Variants in TRIP12 observed in about 807,000 individuals in gnomAD.
TRIP12 encodes the protein E3 ubiquitin-protein ligase TRIP12.
TRIP12 carries 25 observed loss-of-function variants against 244.2 expected under a neutral mutation model. That is an observed-to-expected ratio of 0.10 (90% CI 0.07 to 0.14). The LOEUF is 0.14. Ranked by LOEUF, TRIP12 falls within the 10% of genes least tolerant of loss-of-function variation. The pLI, the probability that TRIP12 is intolerant of heterozygous loss-of-function variation, is 1.00. For missense variants in TRIP12, 1,677 were observed against 2,486.4 expected (o/e 0.67, Z 6.92); for synonymous variants, 905 against 873.1 (o/e 1.04, Z -0.64).
At chr2:229,922,038 G>C (rs1327431976), upstream of TRIP12, 1 of 152,856 alleles carries the variant, frequency 6.5e-6, no homozygotes, top group Non-Finnish European at 1.5e-5. Context: ...CTCCGCCCGT[G>C]CCGCCTCCCT....
intron 3 of TRIP12, 35 bp downstream of exon 3, chr2:229,860,371 T>C (rs766500923): frequency 6.3e-7 from 1 of 1,579,498 alleles, no homozygotes; most frequent in South Asian, 1.2e-5. Context: ...CAAATAATTC[T>C]GCCTTGAAAA....
intron 36 of TRIP12, among the ~76,000 whole-genome samples, chr2:229,777,692 G>A (rs923903082): frequency 4.6e-5 from 7 of 152,082 alleles, no homozygotes; most frequent in Non-Finnish European, 8.8e-5. Flanking sequence ...CTGTATTACT[G>A]AATATCCCAA....
At chr2:229,907,676 T>C (rs896392507) in intron 1 of TRIP12, among the ~76,000 whole-genome samples, 6 of 152,126 alleles carry the variant, frequency 3.9e-5, no homozygotes, top group African/African-American at 1.2e-4. Context: ...TGGTGGCACA[T>C]GTCTGCAGTC....
chr2:229,822,318 G>A (rs1470327447), intron 8 of TRIP12, among the ~76,000 whole-genome samples: 1 of 152,174 alleles, frequency 6.6e-6, no homozygotes, highest in Admixed American at 6.5e-5. Context: ...GCCACATTTT[G>A]AGACTGCTCA....
chr2:229,912,512 A>G (rs1192676352), intron 1 of TRIP12, among the ~76,000 whole-genome samples: 1 of 152,136 alleles, frequency 6.6e-6, no homozygotes, highest in Non-Finnish European at 1.5e-5. Flanking sequence ...ATTTACCTTA[A>G]TATTAGATCC....
Position 229,880,191 on chromosome 2 carries a change from G to C in TRIP12, c.-49-63C>G. 3 of 1,031,556 alleles carry C rather than the reference G, an allele frequency of 2.9e-6. No individual in the cohort carries two copies. The Admixed American group carries it at 7.9e-5, about 27-fold the overall frequency. The allele number at this position is 1,031,556 out of a possible 1,614,324, so 63.9% of individuals were successfully genotyped here. A position where few individuals can be genotyped will look rare whatever the true frequency, so the allele number is the denominator to read the frequency against. On this transcript the variant is annotated intron_variant, in intron 1 of 41. Coordinates refer to ENST00000675903, the MANE Select transcript of TRIP12 (RefSeq NM_001348323.3). ...ACAAAATACAATATGGAAAAGAAAT[G>C]AGGGGAACTTACGGTGACATGGAAA...
rs781146336 is a variant in TRIP12, at chr2:229,829,301, G to C, written c.1355-13C>G. Reference sequence around the variant, plus strand: ...GCCTCTAACAAAGCTAAAGAAAAAAGAAGGGCAGAGTGAACAACTAAGATG... The same window carrying C: ...GCCTCTAACAAAGCTAAAGAAAAAACAAGGGCAGAGTGAACAACTAAGATG... On this transcript the variant is annotated splice_polypyrimidine_tract_variant and intron_variant, in intron 7 of 41. Coordinates refer to ENST00000675903, the MANE Select transcript of TRIP12 (RefSeq NM_001348323.3). 4 of 1,605,844 alleles carry C rather than the reference G, an allele frequency of 2.5e-6. No individual in the cohort carries two copies. The highest frequency in any genetic ancestry group is 3.4e-6 in the Non-Finnish European group (4 of 1,175,850).
At chr2:229,920,215 T>G (rs1345195096) in intron 1 of TRIP12, among the ~76,000 whole-genome samples, 1 of 152,274 alleles carries the variant, frequency 6.6e-6, no homozygotes. Flanking sequence ...GTTTTGTTTT[T>G]AAAGAGGAGA....
intron 21 of TRIP12, among the ~76,000 whole-genome samples, chr2:229,800,624 A>C (rs1416825144): frequency 1.3e-5 from 2 of 152,254 alleles, no homozygotes; most frequent in Admixed American, 1.3e-4. Flanking sequence ...TTCATTTGCA[A>C]CCATGCTGTA....
chr2:229,827,045 C>G (rs2051845702), intron 8 of TRIP12, among the ~76,000 whole-genome samples: 1 of 152,128 alleles, frequency 6.6e-6, no homozygotes, highest in African/African-American at 2.4e-5. Context: ...CTTTGGGAGG[C>G]TGAGGCAGGC....
At chr2:229,772,173 T>C (rs531541355) in intron 38 of TRIP12, among the ~76,000 whole-genome samples, 1 of 152,350 alleles carries the variant, frequency 6.6e-6, no homozygotes, top group East Asian at 1.9e-4. Context: ...GCAACTCTTA[T>C]TGGTCCAACA....
upstream of TRIP12, chr2:229,922,706 C>T (rs1315493560): frequency 2.7e-5 from 35 of 1,316,652 alleles, no homozygotes; most frequent in African/African-American, 1.5e-5. Flanking sequence ...GCAACCGTAG[C>T]CCGCCGGAAG....
At chr2:229,786,396 CTTT>C (rs34138414) in intron 33 of TRIP12, among the ~76,000 whole-genome samples, 57 of 127,752 alleles carry the variant, frequency 4.5e-4, no homozygotes, top group African/African-American at 1.5e-3. Flanking sequence ...AATAGGATGA[CTTT>C]TTTTTTTTTT....
At chr2:229,905,073 G>A (rs1157655370) in intron 1 of TRIP12, among the ~76,000 whole-genome samples, 6 of 152,172 alleles carry the variant, frequency 3.9e-5, no homozygotes, top group East Asian at 1.9e-4. Flanking sequence ...TGGGGAGTTC[G>A]AGACCTGCCT....
At position 229,858,523 on chromosome 2, in the gene TRIP12, T is replaced by C. The variant is rs1316730259; in HGVS notation, c.1027+249A>G. On this transcript the variant is annotated intron_variant, in intron 4 of 41. Transcript: ENST00000675903. Reference sequence around the variant, plus strand: ...AAGTAGGAGATGCCGCGAGGACCAATAAAGACACAGACACTAAAATGTGAT... The same window carrying C: ...AAGTAGGAGATGCCGCGAGGACCAACAAAGACACAGACACTAAAATGTGAT... 3.3e-5 allele frequency among the ~76,000 whole-genome samples: 5 copies of C among 152,136 alleles called. No individual in the cohort carries two copies. The East Asian group carries it at 9.6e-4, about 29-fold the overall frequency.
At chr2:229,867,364 C>G (rs991903801) in intron 2 of TRIP12, among the ~76,000 whole-genome samples, 2 of 151,972 alleles carry the variant, frequency 1.3e-5, no homozygotes, top group Non-Finnish European at 2.9e-5. Flanking sequence ...TGGGATTTCA[C>G]TATGTTGGCC....
intron 1 of TRIP12, among the ~76,000 whole-genome samples, chr2:229,880,467 C>G (rs1464367876): frequency 6.6e-6 from 1 of 152,184 alleles, no homozygotes; most frequent in Non-Finnish European, 1.5e-5. Flanking sequence ...TGTGCCTAAA[C>G]AGGCACTACA....
intron 8 of TRIP12, among the ~76,000 whole-genome samples, chr2:229,823,786 C>T (rs1038112524): frequency 7.9e-5 from 12 of 151,910 alleles, no homozygotes; most frequent in African/African-American, 2.4e-4. Context: ...CAAGGGTCTG[C>T]GACTAGCCTG....
chr2:229,868,239 T>C (rs1428515414), intron 2 of TRIP12, among the ~76,000 whole-genome samples: 1 of 152,226 alleles, frequency 6.6e-6, no homozygotes, highest in African/African-American at 2.4e-5. Context: ...ACAGGGTCTC[T>C]AGTCCAGGCT....
Sources: allele counts gnomAD v4.1 joint callset (sites outside exome capture counted in the v4.1 genomes callset), GRCh38; gene constraint gnomAD v4.1.1; transcripts MANE v1.5; gene names NCBI Gene and HGNC (gene_info 2026-07-23, HGNC 2026-07-21).